The following DAGLA variants were observed in gnomAD, a reference collection of about 807,000 sequenced individuals.
DAGLA encodes the protein diacylglycerol lipase alpha, also known as diacylglycerol lipase-alpha.
DAGLA carries 22 observed loss-of-function variants against 102.6 expected under a neutral mutation model. That is an observed-to-expected ratio of 0.21 (90% confidence interval 0.15 to 0.31). The LOEUF is 0.31. Among genes scored for constraint, DAGLA ranks in the 10% least tolerant of loss-of-function variants. DAGLA has a pLI of 1.00. For synonymous variants in DAGLA, 578 were observed against 628.9 expected, an observed-to-expected ratio of 0.92 and a Z score of 1.21; for missense variants, 927 against 1,446.6, an observed-to-expected ratio of 0.64 and a Z score of 5.83.
intron 5 of DAGLA, among the ~76,000 whole-genome samples, chr11:61,724,389 T>C (rs1315428646): frequency 6.6e-6 from 1 of 152,310 alleles, no homozygotes; most frequent in East Asian, 1.9e-4. Context: ...TTAATCCCTT[T>C]GTGAACCCCG....
intron 16 of DAGLA, 86 bp downstream of exon 16, chr11:61,738,293 A>G (rs1186703706): frequency 6.0e-6 from 7 of 1,169,942 alleles, no homozygotes; most frequent in Non-Finnish European, 8.6e-6. Flanking sequence ...GACAAAGCAC[A>G]AGAGGCCCTG....
chr11:61,735,571 C>T lies in DAGLA; in HGVS notation c.1139C>T (p.Thr380Met), dbSNP rs757011032. The T allele has an allele frequency of 4.3e-6, 7 of 1,613,896 alleles. No individual in the cohort carries two copies. Among genetic ancestry groups the T allele is most frequent in the Admixed American group, 1.7e-5 (1 of 59,998 alleles). ...CTGCCCGCCTCCTAGGTCTATGAAA[C>T]GCCCTTCTACGTGGCGGTGGACCAT... ...YTSCHDAVYETPFYVAVDHDK... is the reference protein window; with the variant it reads ...YTSCHDAVYEMPFYVAVDHDK... Residue 380 changes from threonine to methionine, a missense_variant, in exon 11 of 20, where the codon ACG becomes ATG. By Grantham distance (81) the Thr-to-Met change is moderately conservative. Around this residue, in one of 4 missense-constraint regions of DAGLA, gnomAD observed 218 missense variants for 459.6 expected, o/e 0.47. Coordinates refer to ENST00000257215, the MANE Select transcript of DAGLA (RefSeq NM_006133.3).
At chr11:61,690,255 G>A (rs1166132914) in intron 1 of DAGLA, among the ~76,000 whole-genome samples, 3 of 152,216 alleles carry the variant, frequency 2.0e-5, no homozygotes, top group African/African-American at 7.2e-5. Context: ...CGCTGGGACT[G>A]GGGCCAGACC....
At chr11:61,722,740 T>C in intron 3 of DAGLA, 119 bp from the exon 4 acceptor site, 1 of 819,988 alleles carries the variant, frequency 1.2e-6, no homozygotes. Flanking sequence ...CCGCTGCCTC[T>C]GCCTTTGCTA....
In DAGLA at chr11:61,712,448, G is replaced by A. The variant is rs143884135; in HGVS notation, c.-44-7664G>A. On this transcript the variant is annotated intron_variant, in intron 1 of 19. Coordinates refer to ENST00000257215, the MANE Select transcript of DAGLA (RefSeq NM_006133.3). ...CTAAGACCCTGGGCGGCGGGTAGGA[G>A]GGGACAAATGTCAGTGGCCTCCCAC... Among the ~76,000 whole-genome samples, 479 of 152,280 alleles carry A rather than the reference G, an allele frequency of 3.1e-3. 10 individuals carry two copies. In the East Asian group the frequency reaches 0.033, roughly 11 times the overall value.
chr11:61,708,686 C>T (rs1418883479), intron 1 of DAGLA, among the ~76,000 whole-genome samples: 1 of 152,176 alleles, frequency 6.6e-6, no homozygotes, highest in Non-Finnish European at 1.5e-5. Flanking sequence ...CCCAGCCTCA[C>T]ACTTTACAAC....
At chr11:61,689,614 C>T in intron 1 of DAGLA, among the ~76,000 whole-genome samples, 1 of 151,962 alleles carries the variant, frequency 6.6e-6, no homozygotes, top group East Asian at 1.9e-4. Flanking sequence ...ACGCCATTCT[C>T]CTGCCTCAGA....
chr11:61,737,783 C>A (rs1398503314), intron 15 of DAGLA, 28 bp downstream of exon 15: 1 of 1,604,022 alleles, frequency 6.2e-7, no homozygotes, highest in Middle Eastern at 1.7e-4. Flanking sequence ...CTCCATGGTC[C>A]CTTGCCAGGC....
intron 16 of DAGLA, 134 bp downstream of exon 16, chr11:61,738,341 G>A (rs2065444129): frequency 2.9e-6 from 2 of 681,722 alleles, no homozygotes; most frequent in Non-Finnish European, 4.9e-6. Flanking sequence ...TGGTGTTGTG[G>A]GAACTTCAGG....
chr11:61,742,693 A>G (rs2065490865), intron 19 of DAGLA, among the ~76,000 whole-genome samples: 1 of 152,046 alleles, frequency 6.6e-6, no homozygotes, highest in South Asian at 2.1e-4. Context: ...GCTGGCTCTG[A>G]GATTGGGGTG....
chr11:61,710,607 C>T (rs1373355528), intron 1 of DAGLA, among the ~76,000 whole-genome samples: 1 of 152,054 alleles, frequency 6.6e-6, no homozygotes, highest in Non-Finnish European at 1.5e-5. Flanking sequence ...TGCTGGGCTC[C>T]TAGGAGTTGG....
rs762145941 is a variant in DAGLA at position 61,734,837 on chromosome 11, AC to A, written c.975-8del. 3.7e-6 allele frequency: 6 copies of A among 1,607,484 alleles called. No homozygotes were observed. In the African/African-American group the frequency reaches 8.0e-5, roughly 22 times the overall value. Reference sequence around the variant, plus strand: ...CTCCCTGGCCCTGAACTCTCTTGTCACCCCACCCTAGGTGTTGCCTGTGTCC... The same window carrying A: ...CTCCCTGGCCCTGAACTCTCTTGTCACCCACCCTAGGTGTTGCCTGTGTCC... On this transcript the variant is annotated splice_polypyrimidine_tract_variant and intron_variant, in intron 9 of 19. Coordinates refer to ENST00000257215, the MANE Select transcript of DAGLA (RefSeq NM_006133.3). This position sits in a 1 kb window ranked among gnomAD's most constrained non-coding sequence, Gnocchi z 4.2.
At chr11:61,717,624 G>A (rs1292181774) in intron 1 of DAGLA, among the ~76,000 whole-genome samples, 3 of 152,332 alleles carry the variant, frequency 2.0e-5, no homozygotes, top group East Asian at 1.9e-4. Flanking sequence ...CAGTGGGTAC[G>A]TGGTAGAGCC....
At chr11:61,718,634 C>G (rs1171654098) in intron 1 of DAGLA, among the ~76,000 whole-genome samples, 1 of 149,456 alleles carries the variant, frequency 6.7e-6, no homozygotes, top group Non-Finnish European at 1.5e-5. Context: ...CCACCATGCT[C>G]CCTCACTCTC....
chr11:61,721,353 C>T (rs1374069273), intron 3 of DAGLA, among the ~76,000 whole-genome samples: 1 of 152,164 alleles, frequency 6.6e-6, no homozygotes, highest in African/African-American at 2.4e-5. Context: ...GAGATTGCGC[C>T]ACTGCACTCC....
rs1020899235 is a variant in DAGLA, at chr11:61,744,352, G to A, written c.2992G>A (p.Gly998Ser). The A allele has an allele frequency of 1.9e-6, 3 of 1,612,474 alleles. No homozygotes were observed. The highest frequency in any genetic ancestry group is 2.7e-5 in the African/African-American group (2 of 74,918). ...LSPSFPLSSS[G>S]ELMDLTPTGL... ...GCCCTCCTTCCCGCTCAGCTCCTCG[G>A]GTGAGCTCATGGACCTGACGCCCAC... Residue 998 changes from glycine to serine, a missense_variant, in exon 20 of 20, where the codon GGT becomes AGT. This residue lies in a region of DAGLA where 434 missense variants were observed against 503.3 expected (regional missense o/e 0.86). Coordinates refer to ENST00000257215, the MANE Select transcript of DAGLA (RefSeq NM_006133.3).
chr11:61,695,177 C>T, intron 1 of DAGLA, among the ~76,000 whole-genome samples: 1 of 152,236 alleles, frequency 6.6e-6, no homozygotes, highest in South Asian at 2.1e-4. Context: ...GCACAAGGTG[C>T]ATCTGCCCAC....
rs1456059582 is a variant in DAGLA at position 61,746,811 on chromosome 11, C to T, written c.*2322C>T. ...GCAATCAGTAGCGAGCAGCCGGGCC[C>T]CACAGACCCTCATGCACTCTCTTAC... On this transcript the variant is annotated 3_prime_UTR_variant, in exon 20 of 20. Transcript: ENST00000257215. 1 of 152,584 alleles carries T rather than the reference C, an allele frequency of 6.6e-6. No individual in the cohort carries two copies. The highest frequency in any genetic ancestry group is 1.5e-5 in the Non-Finnish European group (1 of 68,048). The allele number at this position is 152,584 out of a possible 1,614,324, so 9.5% of individuals were successfully genotyped here.
At chr11:61,682,153 T>C (rs149478866) in intron 1 of DAGLA, among the ~76,000 whole-genome samples, 1 of 152,150 alleles carries the variant, frequency 6.6e-6, no homozygotes, top group Admixed American at 6.5e-5. Context: ...TTAATTCCAG[T>C]GTTGGCTGTG....
Sources: gnomAD v4.1 joint callset for allele counts (sites outside exome capture counted in the v4.1 genomes callset) on GRCh38, gnomAD v4.1.1 for gene constraint, gnomAD v4.1.1 regional missense constraint, Gnocchi (gnomAD v3.1) non-coding constraint, MANE v1.5 for transcripts, NCBI Gene and HGNC (gene_info 2026-07-23, HGNC 2026-07-21) for gene names.